ZSCAN31: variants seen among roughly 807,000 people sequenced by gnomAD.
ZSCAN31 encodes the protein zinc finger and SCAN domain-containing protein 31.
ZSCAN31 carries 14 observed loss-of-function variants against 22.5 expected under a neutral mutation model. The ratio of observed to expected loss-of-function variants is 0.62; its 90% CI spans 0.41 to 0.97. The LOEUF is 0.97. ZSCAN31 is among the 50% of genes least tolerant of loss of function. ZSCAN31 has a pLI of 0.00. For synonymous variants in ZSCAN31, 168 were observed against 169.8 expected (o/e 0.99, Z 0.08); for missense variants, 424 against 483.4 (o/e 0.88, Z 1.15).
At chr6:28,350,880 G>A (rs1764962588) in intron 2 of ZSCAN31, among the ~76,000 whole-genome samples, 4 of 152,164 alleles carry the variant, frequency 2.6e-5, no homozygotes, top group Admixed American at 2.6e-4. Context: ...AGACTCGGGG[G>A]TACCTTTTCC....
upstream of ZSCAN31, chr6:28,355,482 C>G (rs1053437862): frequency 5.9e-5 from 9 of 152,232 alleles, no homozygotes; most frequent in African/African-American, 2.2e-4. Flanking sequence ...TACTGGCATT[C>G]TAAAGAGCTC....
chr6:28,327,503 C>T lies in ZSCAN31; in HGVS notation c.412G>A (p.Val138Met), dbSNP rs142393104. 1.4e-5 allele frequency: 22 copies of T among 1,613,624 alleles called. No homozygotes were observed. In the African/African-American group the frequency reaches 2.3e-4, roughly 17 times the overall value. ...AGATGTTCCACATCCTCCAAGAGCA[C>T]TTCAGAATGTCCATGTTCATGGTCT... The part of the protein sequence containing the change: ...APDHEHGHSE[V>M]LLEDVEHLKV... Residue 138 changes from valine (V) to methionine (M), a missense_variant, in exon 3 of 4, where the codon GTG (valine) becomes ATG (methionine). By Grantham distance (21) the Val-to-Met change is conservative. Transcript: ENST00000344279.
intron 2 of ZSCAN31, among the ~76,000 whole-genome samples, chr6:28,328,333 A>G (rs1165758415): frequency 2.0e-5 from 3 of 152,056 alleles, no homozygotes; most frequent in Non-Finnish European, 4.4e-5. Flanking sequence ...GGTCTATTTC[A>G]CCCCAGCAGT....
At chr6:28,336,419 A>G (rs1670009814), upstream of ZSCAN31, 2 of 152,250 alleles carry the variant, frequency 1.3e-5, no homozygotes, top group African/African-American at 2.4e-5. Flanking sequence ...GTAGAGAGCG[A>G]GTAACAGGAG....
rs1581655729 is a variant in ZSCAN31 at position 28,326,010 on chromosome 6, C to T, written c.*156G>A. On this transcript the variant is annotated 3_prime_UTR_variant, in exon 4 of 4. Coordinates refer to ENST00000344279, the MANE Select transcript of ZSCAN31 (RefSeq NM_030899.5). ...CAATACAAAATAAATTTTATAAGAA[C>T]AGAATAAGCCACTTGAAAATCTTAC... is the stretch of plus-strand genomic sequence containing the variant. 1.4e-6 allele frequency: 1 copy of T among 700,518 alleles called. No homozygotes were observed. The highest frequency in any genetic ancestry group is 2.4e-6 in the Non-Finnish European group (1 of 416,454). The allele number at this position is 700,518 out of a possible 1,614,324, so 43.4% of individuals were successfully genotyped here. A position where few individuals can be genotyped will look rare whatever the true frequency, so the allele number is the denominator to read the frequency against.
chr6:28,354,750 G>T (rs1053030160), upstream of ZSCAN31, among the ~76,000 whole-genome samples: 1 of 152,222 alleles, frequency 6.6e-6, no homozygotes, highest in African/African-American at 2.4e-5. Context: ...GCAACAACAG[G>T]TTACTGTTTG....
chr6:28,353,040 C>T (rs1765162272), intron 2 of ZSCAN31, among the ~76,000 whole-genome samples: 1 of 149,018 alleles, frequency 6.7e-6, no homozygotes, highest in African/African-American at 2.5e-5. Flanking sequence ...GCGATCTTGG[C>T]TCATTGCAAC....
chr6:28,333,863 G>A lies in ZSCAN31; in HGVS notation c.-96+2219C>T, dbSNP rs926785599. ...AAGGCTTTAAGAAAGGGAGTGACAA[G>A]GCTGAATTCTGTACCGAGAAGCTCT... On this transcript the variant is annotated intron_variant, in intron 1 of 3. Coordinates refer to ENST00000344279, the MANE Select transcript of ZSCAN31 (RefSeq NM_030899.5). The surrounding 1 kb of genome is among the most constrained non-coding windows in gnomAD (Gnocchi z 4.1). Among the ~76,000 whole-genome samples the A allele has an allele frequency of 1.3e-5, 2 of 152,154 alleles. No homozygotes were observed. The highest frequency in any genetic ancestry group is 2.4e-5 in the African/African-American group (1 of 41,432).
At chr6:28,336,553 G>A (rs1468908210), upstream of ZSCAN31, among the ~76,000 whole-genome samples, 1 of 152,170 alleles carries the variant, frequency 6.6e-6, no homozygotes, top group African/African-American at 2.4e-5. Flanking sequence ...CTGTTGGGGA[G>A]GGGTTGGGGA....
upstream of ZSCAN31, among the ~76,000 whole-genome samples, chr6:28,338,613 G>A (rs1764293519): frequency 6.6e-6 from 1 of 152,032 alleles, no homozygotes; most frequent in Non-Finnish European, 1.5e-5. Context: ...GTGAGCTGCT[G>A]CCACCACATC....
rs1342452797 is a variant in ZSCAN31 at position 28,333,232 on chromosome 6, C to G, written c.-96+2850G>C. 3.3e-5 allele frequency among the ~76,000 whole-genome samples: 5 copies of G among 152,200 alleles called. No individual in the cohort carries two copies. Among genetic ancestry groups the G allele is most frequent in the African/African-American group, 4.8e-5 (2 of 41,432 alleles). The stretch of plus-strand genomic sequence containing the variant: ...AGTTGACTGCTGACTCAGCTTATGA[C>G]TTTATCAGCAACTAAGGCCCAGGAG... On this transcript the variant is annotated intron_variant, in intron 1 of 3. Coordinates refer to ENST00000344279, the MANE Select transcript of ZSCAN31 (RefSeq NM_030899.5). This position sits in a 1 kb window ranked among gnomAD's most constrained non-coding sequence, Gnocchi z 4.1.
upstream of ZSCAN31, among the ~76,000 whole-genome samples, chr6:28,340,176 A>G (rs1285694950): frequency 2.6e-5 from 4 of 152,354 alleles, no homozygotes; most frequent in Admixed American, 6.5e-5. Flanking sequence ...ATCACAGCCT[A>G]ATTGGAAATA....
chr6:28,335,879 G>A (rs538627446), intron 1 of ZSCAN31: 1 of 152,368 alleles, frequency 6.6e-6, no homozygotes, highest in East Asian at 1.9e-4. Flanking sequence ...AAAGAACTCC[G>A]GGCGTTATCT....
Position 28,349,491 on chromosome 6 carries a change from C to T in ZSCAN31, c.-371+4371G>A, listed in dbSNP as rs1440636458. Among the ~76,000 whole-genome samples the T allele has an allele frequency of 1.3e-5, 2 of 152,104 alleles. No homozygotes were observed. Among genetic ancestry groups the T allele is most frequent in the African/African-American group, 2.4e-5 (1 of 41,396 alleles). ...TATCTTGGATTTTTTATGTAAACCACGCAGCATGTTCCTTAAAATTTATGT... is the reference window on the plus strand; with the variant it reads ...TATCTTGGATTTTTTATGTAAACCATGCAGCATGTTCCTTAAAATTTATGT... On this transcript the variant is annotated intron_variant, in intron 2 of 7. Coordinates refer to the ZSCAN31 transcript ENST00000396838. This position sits in a 1 kb window ranked among gnomAD's most constrained non-coding sequence, Gnocchi z 4.1.
At chr6:28,342,554 AAC>A (rs1764455746) in intron 2 of ZSCAN31, among the ~76,000 whole-genome samples, 1 of 152,228 alleles carries the variant, frequency 6.6e-6, no homozygotes, top group East Asian at 1.9e-4. Context: ...AGAACCTAGG[AAC>A]ACACATATAG....
At chr6:28,354,031 T>G in intron 1 of ZSCAN31, 1 of 442,690 alleles carries the variant, frequency 2.3e-6, no homozygotes, top group Non-Finnish European at 4.6e-6. Context: ...CTCGGCTGCC[T>G]CCTCCGACCG....
At chr6:28,346,913 A>G (rs1006792505) in intron 2 of ZSCAN31, among the ~76,000 whole-genome samples, 1 of 152,254 alleles carries the variant, frequency 6.6e-6, no homozygotes, top group Admixed American at 6.5e-5. Flanking sequence ...CCTCAGAAAG[A>G]AAGAATAATT....
intron 2 of ZSCAN31, among the ~76,000 whole-genome samples, chr6:28,343,067 G>A (rs1450342244): frequency 2.0e-5 from 3 of 152,176 alleles, no homozygotes; most frequent in Non-Finnish European, 4.4e-5. Context: ...TGGTCATATA[G>A]GGGCCAGATA....
Position 28,351,091 on chromosome 6 carries a change from T to C in ZSCAN31, c.-371+2771A>G, listed in dbSNP as rs1209517749. ...AACTTTTACAGGGTTAGCTCTTTCA[T>C]AGACTTGTAACTCTTTTCTGTTAAT... On this transcript the variant is annotated intron_variant, in intron 2 of 7. Coordinates refer to the ZSCAN31 transcript ENST00000396838. The surrounding 1 kb of genome is among the most constrained non-coding windows in gnomAD (Gnocchi z 4.6). 6.6e-6 allele frequency among the ~76,000 whole-genome samples: 1 copy of C among 152,212 alleles called. No individual in the cohort carries two copies. Among genetic ancestry groups the C allele is most frequent in the Non-Finnish European group, 1.5e-5 (1 of 68,038 alleles).
Sources: gnomAD v4.1 joint callset for allele counts (sites outside exome capture counted in the v4.1 genomes callset) on GRCh38, gnomAD v4.1.1 for gene constraint, Gnocchi (gnomAD v3.1) non-coding constraint, MANE v1.5 for transcripts, NCBI Gene and HGNC (gene_info 2026-07-23, HGNC 2026-07-21) for gene names.